SCHIP1: variants seen among roughly 807,000 people sequenced by gnomAD.
SCHIP1 encodes the protein schwannomin-interacting protein 1.
In SCHIP1, 8 loss-of-function variants were observed where a neutral mutation model predicts 29.7. That is an observed-to-expected ratio of 0.27 (90% CI 0.16 to 0.49). SCHIP1 has a LOEUF of 0.49. SCHIP1 is among the 20% of genes least tolerant of loss of function. The probability of loss-of-function intolerance (pLI) is 0.99; values close to 1 mark genes in which losing one functional copy is unlikely to be tolerated. For synonymous variants in SCHIP1, 76 were observed against 94.9 expected (o/e 0.80, Z 1.16); for missense variants, 193 against 294.6 (o/e 0.66, Z 2.52).
chr3:159,578,113 G>T, the SCHIP1 span, among the ~76,000 whole-genome samples: 1 of 152,112 alleles, frequency 6.6e-6, no homozygotes, highest in African/African-American at 2.4e-5. Flanking sequence ...GAACTCACAG[G>T]TGACAATGTT....
At chr3:159,644,062 A>G in the SCHIP1 span, among the ~76,000 whole-genome samples, 3 of 152,120 alleles carry the variant, frequency 2.0e-5, no homozygotes, top group African/African-American at 7.2e-5. Context: ...CCTGGAAGTT[A>G]ACACAATATT....
At chr3:159,838,289 C>T (rs942340893), upstream of SCHIP1, among the ~76,000 whole-genome samples, 1 of 152,176 alleles carries the variant, frequency 6.6e-6, no homozygotes, top group African/African-American at 2.4e-5. Flanking sequence ...ATTAAAATTA[C>T]ATTAGCAAAT....
chr3:159,615,267 A>C, the SCHIP1 span, among the ~76,000 whole-genome samples: 3 of 152,178 alleles, frequency 2.0e-5, no homozygotes, highest in East Asian at 5.8e-4. Flanking sequence ...CAGGTAACCA[A>C]GCCCTGGAGG....
the SCHIP1 span, among the ~76,000 whole-genome samples, chr3:159,499,026 C>G: frequency 6.6e-6 from 1 of 152,160 alleles, no homozygotes; most frequent in Admixed American, 6.6e-5. Context: ...TATAGCTCAG[C>G]ACAGATATGC....
chr3:159,552,536 G>T, the SCHIP1 span, among the ~76,000 whole-genome samples: 1 of 152,078 alleles, frequency 6.6e-6, no homozygotes, highest in Non-Finnish European at 1.5e-5. Flanking sequence ...AGCTTTAAAA[G>T]ACTATTTTAC....
At chr3:159,328,105 A>G in the SCHIP1 span, among the ~76,000 whole-genome samples, 1 of 152,216 alleles carries the variant, frequency 6.6e-6, no homozygotes, top group African/African-American at 2.4e-5. Flanking sequence ...CATTAGCCAC[A>G]TGTGCCTATT....
chr3:159,385,723 C>T, the SCHIP1 span, among the ~76,000 whole-genome samples: 1 of 152,046 alleles, frequency 6.6e-6, no homozygotes, highest in East Asian at 1.9e-4. Context: ...TAAAATTATA[C>T]TTTAAGTTCT....
At chr3:159,877,818 GA>G (rs1434858443) in intron 2 of SCHIP1, among the ~76,000 whole-genome samples, 5 of 152,288 alleles carry the variant, frequency 3.3e-5, no homozygotes, top group Admixed American at 3.3e-4. Context: ...GAGCTGAGCA[GA>G]ATAAATAGGC....
At chr3:159,304,011 C>T in the SCHIP1 span, among the ~76,000 whole-genome samples, 2 of 142,394 alleles carry the variant, frequency 1.4e-5, no homozygotes, top group South Asian at 2.5e-4. Flanking sequence ...ATCCCTCCCC[C>T]CTCCCCCAAC....
At chr3:159,734,266 C>A in the SCHIP1 span, among the ~76,000 whole-genome samples, 4 of 151,118 alleles carry the variant, frequency 2.6e-5, no homozygotes, top group East Asian at 7.8e-4. Flanking sequence ...CCTCAGCCTG[C>A]TGAGTAGCTG....
the SCHIP1 span, among the ~76,000 whole-genome samples, chr3:159,396,304 C>G: frequency 6.6e-6 from 1 of 150,528 alleles, no homozygotes; most frequent in East Asian, 1.9e-4. Context: ...TTAATTGGAG[C>G]ATTTAGTCCA....
At chr3:159,803,600 G>C in the SCHIP1 span, among the ~76,000 whole-genome samples, 1 of 152,162 alleles carries the variant, frequency 6.6e-6, no homozygotes, top group Non-Finnish European at 1.5e-5. Context: ...AGTTACTTCA[G>C]AAGCTTGTGA....
At chr3:159,712,626 G>A in the SCHIP1 span, among the ~76,000 whole-genome samples, 1 of 151,962 alleles carries the variant, frequency 6.6e-6, no homozygotes, top group African/African-American at 2.4e-5. Flanking sequence ...TGAGGCAGGA[G>A]GACCACTTGA....
At chr3:159,319,293 A>G in the SCHIP1 span, among the ~76,000 whole-genome samples, 1 of 152,146 alleles carries the variant, frequency 6.6e-6, no homozygotes, top group Non-Finnish European at 1.5e-5. Flanking sequence ...CTCTGGAGAA[A>G]AGGGTTCATT....
the SCHIP1 span, among the ~76,000 whole-genome samples, chr3:159,803,725 A>G: frequency 6.6e-6 from 1 of 152,214 alleles, no homozygotes; most frequent in African/African-American, 2.4e-5. Flanking sequence ...GTGTATGTAT[A>G]CATTGGGAAT....
chr3:159,347,342 C>T, the SCHIP1 span, among the ~76,000 whole-genome samples: 156 of 152,238 alleles, frequency 1.0e-3, 2 homozygotes, highest in South Asian at 0.024. Flanking sequence ...CCTTAATTAT[C>T]GAAGTCTTAC....
At chr3:159,275,002 T>C in the SCHIP1 span, 1 of 981,940 alleles carries the variant, frequency 1.0e-6, no homozygotes, top group South Asian at 4.7e-5. Context: ...TACTGTTGCT[T>C]CTTAACTCTT....
the SCHIP1 span, among the ~76,000 whole-genome samples, chr3:159,468,285 A>G: frequency 6.6e-6 from 1 of 152,134 alleles, no homozygotes; most frequent in Non-Finnish European, 1.5e-5. Context: ...CCCTCAAGGT[A>G]TATATGTCCC....
At chr3:159,458,486 G>T in the SCHIP1 span, among the ~76,000 whole-genome samples, 1 of 152,146 alleles carries the variant, frequency 6.6e-6, no homozygotes, top group Admixed American at 6.5e-5. Flanking sequence ...TAAGAACAAG[G>T]GAAGAAGTGG....
Sources: gnomAD v4.1 joint callset for allele counts (sites outside exome capture counted in the v4.1 genomes callset) on GRCh38, gnomAD v4.1.1 for gene constraint, MANE v1.5 for transcripts, NCBI Gene and HGNC (gene_info 2026-07-23, HGNC 2026-07-21) for gene names.